The following GSTCD variants were observed in gnomAD, a reference collection of about 807,000 sequenced individuals.
GSTCD encodes glutathione S-transferase C-terminal domain containing, also known as glutathione S-transferase C-terminal domain-containing protein.
Under a neutral mutation model 68.3 loss-of-function variants are expected in GSTCD, and 44 were observed. The ratio of observed to expected loss-of-function variants is 0.64; its 90% CI spans 0.51 to 0.83. GSTCD has a LOEUF of 0.83. Ranked by LOEUF, GSTCD falls within the 40% of genes least tolerant of loss-of-function variation. The probability of loss-of-function intolerance (pLI) is 0.00; values close to 1 mark genes in which losing one functional copy is unlikely to be tolerated. For missense variants in GSTCD, 739 were observed against 735.9 expected, an observed-to-expected ratio of 1.00 and a Z score of -0.05; for synonymous variants, 273 against 255.2, an observed-to-expected ratio of 1.07 and a Z score of -0.67.
Position 105,772,270 on chromosome 4 carries a change from T to C in GSTCD, c.1240+42771T>C, listed in dbSNP as rs2553439. ...TTAAGGAGTTTTGGGGCTAAGACAATGGGGTTTTCTAAATAAACAGTCATG... is the reference window on the plus strand; with the variant it reads ...TTAAGGAGTTTTGGGGCTAAGACAACGGGGTTTTCTAAATAAACAGTCATG... On this transcript the variant is annotated intron_variant, in intron 5 of 11. Coordinates refer to ENST00000515279, the MANE Select transcript of GSTCD (RefSeq NM_001370181.1). 2.7e-3 allele frequency among the ~76,000 whole-genome samples: 405 copies of C among 152,300 alleles called. 2 individuals carry two copies. Among genetic ancestry groups the C allele is most frequent in the Non-Finnish European group, 5.1e-3 (350 of 68,014 alleles).
chr4:105,778,925 G>T (rs1735174733), intron 5 of GSTCD, among the ~76,000 whole-genome samples: 1 of 151,816 alleles, frequency 6.6e-6, no homozygotes, highest in Admixed American at 6.6e-5. Flanking sequence ...CTCATTCTCT[G>T]TCTGAACTAT....
rs1467496639 is a variant in GSTCD at position 105,719,174 on chromosome 4, A to G, written c.541A>G (p.Lys181Glu). 2.5e-6 allele frequency: 4 copies of G among 1,614,002 alleles called. No individual in the cohort carries two copies. Among genetic ancestry groups the G allele is most frequent in the Admixed American group, 1.7e-5 (1 of 59,982 alleles). Residue 181 changes from lysine (K) to glutamate (E), a missense_variant, in exon 3 of 12, where the codon AAA becomes GAA. Physicochemically the swap from Lys to Glu is moderately conservative, Grantham distance 56 (BLOSUM62 1). Coordinates refer to ENST00000515279, the MANE Select transcript of GSTCD (RefSeq NM_001370181.1). ...ACCTGTAGAAATACTACAGCTAGAG[A>G]AAAAGCTTAGTGAGCCTGTTAGAGT... Reference protein sequence around the residue: ...TIPVEILQLEKKLSEPVRVHN... With the variant: ...TIPVEILQLEEKLSEPVRVHN...
At chr4:105,760,375 ACTTTT>A (rs1734360282) in intron 5 of GSTCD, among the ~76,000 whole-genome samples, 2 of 152,266 alleles carry the variant, frequency 1.3e-5, no homozygotes, top group South Asian at 2.1e-4. Flanking sequence ...GCCTTTTATA[ACTTTT>A]CTTTTTAAGA....
At chr4:105,803,602 T>C (rs1296934838) in intron 5 of GSTCD, among the ~76,000 whole-genome samples, 1 of 151,986 alleles carries the variant, frequency 6.6e-6, no homozygotes. Flanking sequence ...TTTTGGGTTA[T>C]TTGTAATAGC....
chr4:105,827,000 T>C (rs1290919877), intron 8 of GSTCD: 1 of 152,190 alleles, frequency 6.6e-6, no homozygotes, highest in African/African-American at 2.4e-5. Flanking sequence ...TGCTATTCGT[T>C]TCCTTTGCAG....
chr4:105,824,854 C>T (rs532957016), intron 7 of GSTCD, among the ~76,000 whole-genome samples: 32 of 152,248 alleles, frequency 2.1e-4, no homozygotes, highest in African/African-American at 7.0e-4. Context: ...GTTCTTCAAA[C>T]ATGCCATATT....
chr4:105,735,235 G>T (rs1231466852), intron 5 of GSTCD, among the ~76,000 whole-genome samples: 1 of 152,142 alleles, frequency 6.6e-6, no homozygotes, highest in African/African-American at 2.4e-5. Context: ...GTCTGCAGAG[G>T]TTTCTGCAGA....
At chr4:105,812,832 G>A (rs1420450534) in intron 5 of GSTCD, among the ~76,000 whole-genome samples, 1 of 151,956 alleles carries the variant, frequency 6.6e-6, no homozygotes, top group Non-Finnish European at 1.5e-5. Context: ...AATTTCTCTG[G>A]TGTCAGAAAA....
intron 5 of GSTCD, among the ~76,000 whole-genome samples, chr4:105,733,816 G>A (rs1294667): frequency 0.61 from 93,179 of 152,100 alleles, 33,966 homozygotes; most frequent in East Asian, 0.9. Flanking sequence ...TTTTTGCAGT[G>A]GCTGGTAGCG....
At chr4:105,729,582 T>C (rs955076656) in intron 5 of GSTCD, 83 bp downstream of exon 5, 378 of 879,510 alleles carry the variant, frequency 4.3e-4, no homozygotes, top group Middle Eastern at 7.0e-4. Flanking sequence ...AAATCTCCCT[T>C]TGGCTTTATC....
intron 5 of GSTCD, among the ~76,000 whole-genome samples, chr4:105,805,591 C>T (rs927090647): frequency 2.0e-5 from 3 of 151,960 alleles, no homozygotes; most frequent in African/African-American, 4.8e-5. Flanking sequence ...GTATCAGGAT[C>T]GCTCTTTTAT....
At chr4:105,755,249 G>A (rs531982024) in intron 5 of GSTCD, among the ~76,000 whole-genome samples, 1 of 151,386 alleles carries the variant, frequency 6.6e-6, no homozygotes, top group Non-Finnish European at 1.5e-5. Flanking sequence ...GTCAAGGTAG[G>A]AAGGTAGAAA....
At chr4:105,824,817 C>T (rs1723505589) in intron 7 of GSTCD, among the ~76,000 whole-genome samples, 1 of 152,084 alleles carries the variant, frequency 6.6e-6, no homozygotes, top group Non-Finnish European at 1.5e-5. Context: ...CACATTGTGC[C>T]CTGGAAATTG....
chr4:105,714,401 G>T (rs1351298251), intron 1 of GSTCD, among the ~76,000 whole-genome samples: 1 of 151,804 alleles, frequency 6.6e-6, no homozygotes, highest in African/African-American at 2.4e-5. Flanking sequence ...CCTTCTTAAA[G>T]CTCGTGACAG....
intron 5 of GSTCD, among the ~76,000 whole-genome samples, chr4:105,729,792 G>A (rs955106400): frequency 5.3e-5 from 8 of 151,996 alleles, no homozygotes; most frequent in East Asian, 3.9e-4. Flanking sequence ...TGAGCACAAC[G>A]TGCAGGTTTG....
At chr4:105,714,895 GC>G (rs1362016589) in intron 1 of GSTCD, among the ~76,000 whole-genome samples, 4 of 152,072 alleles carry the variant, frequency 2.6e-5, no homozygotes, top group African/African-American at 9.7e-5. Context: ...ATTCTTATGT[GC>G]CTTACAACGT....
intron 5 of GSTCD, among the ~76,000 whole-genome samples, chr4:105,794,593 T>C (rs958070472): frequency 1.3e-5 from 2 of 151,846 alleles, no homozygotes; most frequent in African/African-American, 4.8e-5. Flanking sequence ...AAATAAAGTC[T>C]ATAACACACT....
At chr4:105,764,834 TC>T (rs1273590067) in intron 5 of GSTCD, among the ~76,000 whole-genome samples, 12 of 152,228 alleles carry the variant, frequency 7.9e-5, no homozygotes, top group Admixed American at 7.9e-4. Context: ...CTGATCATAT[TC>T]TTTTATTTTT....
chr4:105,792,075 A>G (rs1411835922), intron 5 of GSTCD, among the ~76,000 whole-genome samples: 3 of 152,120 alleles, frequency 2.0e-5, no homozygotes, highest in African/African-American at 4.8e-5. Context: ...TTCTCAAACA[A>G]TAGGATCAGA....
Sources: gnomAD v4.1 joint callset for allele counts (sites outside exome capture counted in the v4.1 genomes callset) on GRCh38, gnomAD v4.1.1 for gene constraint, MANE v1.5 for transcripts, NCBI Gene and HGNC (gene_info 2026-07-23, HGNC 2026-07-21) for gene names.